RBM48: variants seen among roughly 807,000 people sequenced by gnomAD.
RBM48 encodes the protein RNA binding motif protein 48.
In RBM48, 32 loss-of-function variants were observed where a neutral mutation model predicts 34.8. That is an observed-to-expected ratio of 0.92 (90% confidence interval 0.69 to 1.23). RBM48 has a LOEUF of 1.23. RBM48 is among the 50% of genes most tolerant of loss of function. The pLI is 0.00. For synonymous variants in RBM48, 151 were observed against 156.2 expected, an observed-to-expected ratio of 0.97 and a Z score of 0.25; for missense variants, 441 against 447.2, an observed-to-expected ratio of 0.99 and a Z score of 0.12.
rs67142609 is a variant in RBM48 at position 92,535,004 on chromosome 7, C to A, written c.1017+34C>A. ...ATTTTTAAAAAACTATTCTAAGACA[C>A]GATTTGGTTATAGGATTAAATGGAG... On this transcript the variant is annotated intron_variant, in intron 4 of 4. Transcript: ENST00000265732. 2.5e-6 allele frequency: 4 copies of A among 1,607,668 alleles called. No individual in the cohort carries two copies. In the African/African-American group the frequency reaches 5.3e-5, roughly 21 times the overall value.
chr7:92,533,951 G>A (rs1412424693), intron 3 of RBM48, among the ~76,000 whole-genome samples: 1 of 134,686 alleles, frequency 7.4e-6, no homozygotes, highest in African/African-American at 2.8e-5. Context: ...CCAGATAGTG[G>A]AATACTCTGA....
chr7:92,530,192 A>G (rs1793527479), intron 2 of RBM48, among the ~76,000 whole-genome samples: 1 of 148,774 alleles, frequency 6.7e-6, no homozygotes, highest in African/African-American at 2.5e-5. Flanking sequence ...AAAAAAAAAA[A>G]AAAAAAATTT....
chr7:92,537,467 G>C lies in RBM48; in HGVS notation c.*530G>C, dbSNP rs1354998631. The C allele has an allele frequency of 1.3e-5, 2 of 152,094 alleles. No homozygotes were observed. Among genetic ancestry groups the C allele is most frequent in the African/African-American group, 2.4e-5 (1 of 41,420 alleles). The allele number at this position is 152,094 out of a possible 1,614,324, so 9.4% of individuals were successfully genotyped here. On this transcript the variant is annotated 3_prime_UTR_variant, in exon 5 of 5. Transcript: ENST00000265732. ...AGTAATTATATGTAAATTAATTGAA[G>C]CAAATATGGAAACTTTACAATAGAA...
chr7:92,530,382 CT>C (rs1161003355), intron 2 of RBM48, among the ~76,000 whole-genome samples: 1 of 151,736 alleles, frequency 6.6e-6, no homozygotes, highest in Non-Finnish European at 1.5e-5. Flanking sequence ...GTAGTCCCAG[CT>C]ACTCAGGTGG....
At chr7:92,536,683 T>A in intron 4 of RBM48, 168 bp from the exon 5 acceptor site, 1 of 1,252,340 alleles carries the variant, frequency 8.0e-7, no homozygotes, top group Non-Finnish European at 1.0e-6. Context: ...AATGGAAGAC[T>A]CCACTCTGTG....
At chr7:92,535,919 G>A (rs1793700308) in intron 4 of RBM48, 13 of 629,362 alleles carry the variant, frequency 2.1e-5, no homozygotes, top group Non-Finnish European at 2.6e-5. Context: ...CAGATTGCTT[G>A]AGCCCAGGAG....
intron 2 of RBM48, among the ~76,000 whole-genome samples, chr7:92,529,932 A>T (rs1793510418): frequency 6.6e-6 from 1 of 152,052 alleles, no homozygotes. Flanking sequence ...CAATCCCAGC[A>T]CTCTGGGAGA....
chr7:92,535,671 G>C, intron 4 of RBM48: 2 of 985,070 alleles, frequency 2.0e-6, no homozygotes, highest in Non-Finnish European at 2.4e-6. Flanking sequence ...CTTACTCCAA[G>C]ATGCAGAAAC....
intron 4 of RBM48, chr7:92,535,511 T>G (rs75586866): frequency 2.0e-4 from 127 of 628,134 alleles, no homozygotes; most frequent in Non-Finnish European, 2.4e-4. Context: ...AGGTAGTCTG[T>G]TTTTTTTTTT....
At position 92,534,596 on chromosome 7, in the gene RBM48, G is replaced by A. The variant is rs370287786; in HGVS notation, c.643G>A (p.Gly215Arg). 6 of 1,614,008 alleles carry A rather than the reference G, an allele frequency of 3.7e-6. No individual in the cohort carries two copies. In the African/African-American group the frequency reaches 4.0e-5, roughly 11 times the overall value. Reference sequence around the variant, plus strand: ...CTCCTCAAAATGTATGTGTTCATCCGGGGGACCTGTAGACAGAGCACCAGA... The same window carrying A: ...CTCCTCAAAATGTATGTGTTCATCCAGGGGACCTGTAGACAGAGCACCAGA... ...YFSSKCMCSS[G>R]GPVDRAPDSS... is the part of the protein sequence containing the mutation. Residue 215 changes from glycine (G) to arginine (R), a missense_variant, in exon 4 of 5, where the codon GGG (glycine) becomes AGG (arginine). Gly to Arg is a moderately radical substitution (Grantham distance 125). Coordinates refer to ENST00000265732, the MANE Select transcript of RBM48 (RefSeq NM_032120.4).
At chr7:92,534,357 C>T in intron 3 of RBM48, 45 bp from the exon 4 acceptor site, 1 of 1,554,804 alleles carries the variant, frequency 6.4e-7, no homozygotes, top group South Asian at 1.2e-5. Flanking sequence ...AACAATAAAC[C>T]ACTTCTGTTT....
Position 92,534,911 on chromosome 7 carries a change from G to A in RBM48, c.958G>A (p.Asp320Asn), listed in dbSNP as rs1793672929. Reference protein sequence around the residue: ...GPLLPDISKVDMHDDSLNTTA... With the variant: ...GPLLPDISKVNMHDDSLNTTA... ...TCTGTTACCAGACATCTCTAAAGTGGATATGCACGATGACTCATTGAATAC... is the reference window on the plus strand; with the variant it reads ...TCTGTTACCAGACATCTCTAAAGTGAATATGCACGATGACTCATTGAATAC... The change falls in exon 4 of 5, where the codon GAT (aspartate) becomes AAT (asparagine). Residue 320 changes from aspartate (D) to asparagine (N), a missense_variant. Asp to Asn is a conservative substitution (Grantham distance 23, BLOSUM62 1). Coordinates refer to ENST00000265732, the MANE Select transcript of RBM48 (RefSeq NM_032120.4). The A allele has an allele frequency of 1.9e-6, 3 of 1,614,092 alleles. No individual in the cohort carries two copies. In the East Asian group the frequency reaches 6.7e-5, roughly 36 times the overall value.
At chr7:92,530,005 C>A (rs1247544205) in intron 2 of RBM48, among the ~76,000 whole-genome samples, 1 of 151,258 alleles carries the variant, frequency 6.6e-6, no homozygotes, top group Non-Finnish European at 1.5e-5. Context: ...GGTGAAACCC[C>A]CCTCTCTACT....
chr7:92,531,403 C>G (rs1427158397), intron 2 of RBM48, among the ~76,000 whole-genome samples: 1 of 152,182 alleles, frequency 6.6e-6, no homozygotes, highest in Non-Finnish European at 1.5e-5. Flanking sequence ...AGTGCCTTAT[C>G]TATTTTTATA....
At chr7:92,535,937 C>T (rs774838648) in intron 4 of RBM48, 6 of 489,424 alleles carry the variant, frequency 1.2e-5, no homozygotes, top group Non-Finnish European at 1.6e-5. Context: ...GAGTCTGAGA[C>T]CAGCCTGACC....
Position 92,537,921 on chromosome 7 carries a change from G to C in RBM48, c.*984G>C, listed in dbSNP as rs1793763231. ...TGGGCTCAAGTGATTCACCCACCTC[G>C]GCCTCCCAAAGTACTAGGATTATGG... is the stretch of plus-strand genomic sequence containing the variant. On this transcript the variant is annotated 3_prime_UTR_variant, in exon 5 of 5. Transcript: ENST00000265732. 1 of 152,056 alleles carries C rather than the reference G, an allele frequency of 6.6e-6. No homozygotes were observed. The highest frequency in any genetic ancestry group is 1.5e-5 in the Non-Finnish European group (1 of 68,028). 9.4% of individuals were successfully genotyped at this position (152,056 alleles called of 1,614,324 possible). A position where few individuals can be genotyped will look rare whatever the true frequency, so the allele number is the denominator to read the frequency against.
In RBM48 at chr7:92,534,686, C is replaced by T. The variant is rs757331311; in HGVS notation, c.733C>T (p.Arg245Trp). ...MGHYNHNDSL[R>W]KTQINSLKNS... ...GCATTATAACCACAATGACTCTTTG[C>T]GGAAAACACAGATAAACTCTTTGAA... Residue 245 changes from arginine to tryptophan, a missense_variant, in exon 4 of 5, where the codon CGG (arginine) becomes TGG (tryptophan). Physicochemically the swap from Arg to Trp is moderately radical, Grantham distance 101. Transcript: ENST00000265732. 1.1e-5 allele frequency: 18 copies of T among 1,614,010 alleles called. No individual in the cohort carries two copies. In the African/African-American group the frequency reaches 1.6e-4, roughly 14 times the overall value.
chr7:92,531,833 A>G (rs1436370995), intron 2 of RBM48, among the ~76,000 whole-genome samples: 2 of 152,238 alleles, frequency 1.3e-5, no homozygotes, highest in Non-Finnish European at 2.9e-5. Context: ...TGAAATCTCA[A>G]CAAGTATTTA....
intron 3 of RBM48, among the ~76,000 whole-genome samples, chr7:92,533,030 AT>A (rs1170049442): frequency 6.6e-6 from 1 of 152,214 alleles, no homozygotes; most frequent in Non-Finnish European, 1.5e-5. Flanking sequence ...AGCAGTTATG[AT>A]TTGCAGTTGT....
Sources: gnomAD v4.1 joint callset for allele counts (sites outside exome capture counted in the v4.1 genomes callset) on GRCh38, gnomAD v4.1.1 for gene constraint, MANE v1.5 for transcripts, NCBI Gene and HGNC (gene_info 2026-07-23, HGNC 2026-07-21) for gene names.